Variants in NLGN1 observed in about 807,000 individuals in gnomAD.
NLGN1 encodes neuroligin 1, also known as neuroligin-1.
A neutral mutation model predicts 65.5 loss-of-function variants in NLGN1; 12 were observed. The observed-to-expected ratio is 0.18, with a 90% confidence interval of 0.12 to 0.30. The LOEUF is 0.30. NLGN1 is among the 10% of genes least tolerant of loss of function. The probability of loss-of-function intolerance (pLI) is 1.00; values close to 1 mark genes in which losing one functional copy is unlikely to be tolerated. For missense variants in NLGN1, 750 were observed against 1,007.1 expected (o/e 0.74, Z 3.46); for synonymous variants, 350 against 359.5 (o/e 0.97, Z 0.30).
chr3:173,845,379 A>G (rs1189562080), intron 4 of NLGN1, among the ~76,000 whole-genome samples: 7 of 152,158 alleles, frequency 4.6e-5, no homozygotes, highest in Admixed American at 3.3e-4. Flanking sequence ...ACTTTCTATT[A>G]TAGAGCATCT....
Position 173,986,713 on chromosome 3 carries a change from A to G in NLGN1, c.646+178881A>G, listed in dbSNP as rs77287421. Among the ~76,000 whole-genome samples, 140 of 152,308 alleles carry G rather than the reference A, an allele frequency of 9.2e-4. 1 individual carries two copies. The East Asian group carries it at 0.023, about 26-fold the overall frequency. On this transcript the variant is annotated intron_variant, in intron 4 of 6. Coordinates refer to ENST00000457714, the Ensembl canonical transcript of NLGN1. ...TTCAGCAGCCCTAGCAAACTAATACAGCGTCTAGATGCTGGAATCAAGTCT... is the reference window on the plus strand; with the variant it reads ...TTCAGCAGCCCTAGCAAACTAATACGGCGTCTAGATGCTGGAATCAAGTCT...
chr3:173,678,999 G>C (rs1374877858), intron 3 of NLGN1, among the ~76,000 whole-genome samples: 1 of 151,926 alleles, frequency 6.6e-6, no homozygotes, highest in Non-Finnish European at 1.5e-5. Flanking sequence ...AGTTTAGTTG[G>C]GAATTAGATG....
At chr3:174,073,394 C>T (rs989667181) in intron 4 of NLGN1, among the ~76,000 whole-genome samples, 1 of 151,944 alleles carries the variant, frequency 6.6e-6, no homozygotes, top group Non-Finnish European at 1.5e-5. Flanking sequence ...GGCGGGGGGG[C>T]ACTTTAGCAT....
rs56261342 is a variant in NLGN1 at position 173,708,903 on chromosome 3, A to G, written c.494-98777A>G. On this transcript the variant is annotated intron_variant, in intron 3 of 6. Coordinates refer to ENST00000457714, the Ensembl canonical transcript of NLGN1. Reference sequence around the variant, plus strand: ...AAAAGTAAAGCTGTATTTTAAACCAATGCGTTATTCGGTATATTAATTTTG... The same window carrying G: ...AAAAGTAAAGCTGTATTTTAAACCAGTGCGTTATTCGGTATATTAATTTTG... 3.7e-3 allele frequency among the ~76,000 whole-genome samples: 560 copies of G among 152,326 alleles called. 5 individuals carry two copies. Among genetic ancestry groups the G allele is most frequent in the African/African-American group, 0.013 (525 of 41,580 alleles).
chr3:174,143,004 C>G (rs7622854), intron 4 of NLGN1, among the ~76,000 whole-genome samples: 12,882 of 152,028 alleles, frequency 0.085, 1,485 homozygotes, highest in African/African-American at 0.25. Flanking sequence ...AGGAGCAAGA[C>G]AGAGAACGAG....
intron 4 of NLGN1, among the ~76,000 whole-genome samples, chr3:173,942,277 C>G (rs939991366): frequency 2.0e-5 from 3 of 152,044 alleles, no homozygotes; most frequent in African/African-American, 7.3e-5. Context: ...GAACCAAGCA[C>G]TATCTATGGT....
intron 3 of NLGN1, among the ~76,000 whole-genome samples, chr3:173,793,561 C>A (rs1713281284): frequency 6.6e-6 from 1 of 152,024 alleles, no homozygotes; most frequent in South Asian, 2.1e-4. Context: ...TATGTTAATT[C>A]TCAGGCAAAG....
chr3:174,200,744 C>T (rs1345328654), intron 4 of NLGN1, among the ~76,000 whole-genome samples: 1 of 152,132 alleles, frequency 6.6e-6, no homozygotes, highest in African/African-American at 2.4e-5. Context: ...TTTCAACCTC[C>T]CTGTCAGCTA....
At chr3:173,639,968 T>G (rs995206646) in intron 3 of NLGN1, among the ~76,000 whole-genome samples, 1 of 152,102 alleles carries the variant, frequency 6.6e-6, no homozygotes, top group East Asian at 1.9e-4. Flanking sequence ...TTCTTTTCCC[T>G]TCTTTCCTCC....
intron 2 of NLGN1, among the ~76,000 whole-genome samples, chr3:173,477,359 A>T (rs1726404801): frequency 6.6e-6 from 1 of 152,050 alleles, no homozygotes; most frequent in Non-Finnish European, 1.5e-5. Context: ...TTGGCAACAT[A>T]GTGAGACCTT....
At chr3:174,155,733 G>T (rs920881271) in intron 4 of NLGN1, among the ~76,000 whole-genome samples, 1 of 151,806 alleles carries the variant, frequency 6.6e-6, no homozygotes. Context: ...AGTGAATAAA[G>T]AAATATCGAA....
chr3:173,620,282 G>T (rs1753781046), intron 3 of NLGN1, among the ~76,000 whole-genome samples: 2 of 152,098 alleles, frequency 1.3e-5, no homozygotes, highest in Admixed American at 1.3e-4. Flanking sequence ...AAGGGTAAGA[G>T]ATATCTATTT....
chr3:174,289,473 A>G (rs375528794), downstream of NLGN1, among the ~76,000 whole-genome samples: 27 of 151,338 alleles, frequency 1.8e-4, no homozygotes, highest in African/African-American at 6.3e-4. Flanking sequence ...TTTGCAGGAT[A>G]TATTTTTTTC....
Position 173,495,650 on chromosome 3 carries a change from T to G in NLGN1, c.-321+60572T>G, listed in dbSNP as rs182119654. 2.3e-4 allele frequency among the ~76,000 whole-genome samples: 34 copies of G among 148,134 alleles called. 1 individual carries two copies. In the East Asian group the frequency reaches 6.0e-3, roughly 26 times the overall value. On this transcript the variant is annotated intron_variant, in intron 2 of 6. Coordinates refer to ENST00000457714, the Ensembl canonical transcript of NLGN1. Reference sequence around the variant, plus strand: ...CTTTATCAGGTTGAAGAAATTTTCTTCTTTTCCCGGTTTTCTAAGAGTCTT... The same window carrying G: ...CTTTATCAGGTTGAAGAAATTTTCTGCTTTTCCCGGTTTTCTAAGAGTCTT...
At position 173,834,184 on chromosome 3, in the gene NLGN1, C is replaced by T. The variant is rs151257882; in HGVS notation, c.646+26352C>T. Among the ~76,000 whole-genome samples, 32 of 152,242 alleles carry T rather than the reference C, an allele frequency of 2.1e-4. No individual in the cohort carries two copies. In the East Asian group the frequency reaches 5.2e-3, roughly 25 times the overall value. On this transcript the variant is annotated intron_variant, in intron 4 of 6. Transcript: ENST00000457714. Reference sequence around the variant, plus strand: ...ATATTACACATTCATATTATAGTCACACTCTTATATTCCATTCTGTTCTAT... The same window carrying T: ...ATATTACACATTCATATTATAGTCATACTCTTATATTCCATTCTGTTCTAT...
chr3:174,048,517 A>AGAT (rs1386742994), intron 4 of NLGN1, among the ~76,000 whole-genome samples: 3 of 151,964 alleles, frequency 2.0e-5, no homozygotes, highest in Non-Finnish European at 4.4e-5. Flanking sequence ...ACAAGGCCGC[A>AGAT]GATAATTACT....
At chr3:174,117,908 C>A (rs961005023) in intron 4 of NLGN1, among the ~76,000 whole-genome samples, 1 of 152,098 alleles carries the variant, frequency 6.6e-6, no homozygotes, top group Admixed American at 6.5e-5. Flanking sequence ...ACACTCAAGT[C>A]GAATACTCTA....
At chr3:173,487,887 T>G (rs1454798184) in intron 2 of NLGN1, among the ~76,000 whole-genome samples, 2 of 152,022 alleles carry the variant, frequency 1.3e-5, no homozygotes, top group African/African-American at 4.8e-5. Context: ...TCAATGCATT[T>G]TAAGTTTCTG....
intron 4 of NLGN1, among the ~76,000 whole-genome samples, chr3:173,942,575 C>T (rs1366771894): frequency 2.0e-5 from 3 of 152,090 alleles, no homozygotes; most frequent in African/African-American, 2.4e-5. Flanking sequence ...TTAGTTTCAA[C>T]GTTTTCTTTT....
Sources: allele counts gnomAD v4.1 joint callset (sites outside exome capture counted in the v4.1 genomes callset), GRCh38; gene constraint gnomAD v4.1.1; transcripts MANE v1.5; gene names NCBI Gene and HGNC (gene_info 2026-07-23, HGNC 2026-07-21).